IPCEF1: variants seen among roughly 807,000 people sequenced by gnomAD.
The protein encoded by IPCEF1 is interaction protein for cytohesin exchange factors 1.
A neutral mutation model predicts 50.9 loss-of-function variants in IPCEF1; 31 were observed. The observed-to-expected ratio is 0.61, with a 90% CI of 0.46 to 0.82. The LOEUF is 0.82. Among genes scored for constraint, IPCEF1 ranks in the 40% least tolerant of loss-of-function variants. IPCEF1 has a pLI of 0.00. For synonymous variants in IPCEF1, 181 were observed against 192.0 expected (o/e 0.94, Z 0.47); for missense variants, 458 against 514.0 (o/e 0.89, Z 1.05).
At chr6:154,228,829 A>C (rs1779475644) in intron 5 of IPCEF1, among the ~76,000 whole-genome samples, 2 of 152,234 alleles carry the variant, frequency 1.3e-5, no homozygotes, top group South Asian at 4.1e-4. Flanking sequence ...TCAAGGCTGC[A>C]GTGAGCTGAG....
At chr6:154,315,614 C>A (rs1783196237) in intron 1 of IPCEF1, among the ~76,000 whole-genome samples, 1 of 152,092 alleles carries the variant, frequency 6.6e-6, no homozygotes, top group Non-Finnish European at 1.5e-5. Flanking sequence ...TTAATGACAA[C>A]TAAGTCCCGG....
intron 5 of IPCEF1, among the ~76,000 whole-genome samples, chr6:154,242,972 TAGA>T (rs1780719328): frequency 6.6e-6 from 1 of 152,176 alleles, no homozygotes; most frequent in East Asian, 1.9e-4. Context: ...TACGTGCCTC[TAGA>T]AGAAGGCTAT....
intron 2 of IPCEF1, among the ~76,000 whole-genome samples, chr6:154,279,686 A>G (rs1782158931): frequency 6.6e-6 from 1 of 152,246 alleles, no homozygotes; most frequent in African/African-American, 2.4e-5. Flanking sequence ...AGAATTAAGA[A>G]TTCCCATTCA....
intron 1 of IPCEF1, among the ~76,000 whole-genome samples, chr6:154,327,325 G>A (rs563698795): frequency 2.0e-5 from 3 of 152,042 alleles, no homozygotes; most frequent in Admixed American, 2.0e-4. Flanking sequence ...ATCTGACAAA[G>A]GTCTAATATC....
Position 154,159,227 on chromosome 6 carries a change from A to C in IPCEF1, c.*601T>G, listed in dbSNP as rs1044012353. The stretch of plus-strand genomic sequence containing the variant: ...TGTCCTTTGAATGAGTGGAATATGG[A>C]ACACGCCTCCTCCTTCAGCTCTCCC... On this transcript the variant is annotated 3_prime_UTR_variant, in exon 12 of 12. Coordinates refer to ENST00000367220, the MANE Select transcript of IPCEF1 (RefSeq NM_001130700.2). 6.5e-6 allele frequency: 1 copy of C among 153,838 alleles called. No homozygotes were observed. The highest frequency in any genetic ancestry group is 1.4e-5 in the Non-Finnish European group (1 of 69,056). The allele number at this position is 153,838 out of a possible 1,614,324, so 9.5% of individuals were successfully genotyped here.
At chr6:154,163,460 A>G (rs1799185943) in intron 11 of IPCEF1, among the ~76,000 whole-genome samples, 1 of 152,128 alleles carries the variant, frequency 6.6e-6, no homozygotes, top group Non-Finnish European at 1.5e-5. Flanking sequence ...AACATGTTCT[A>G]TCCCCTTTTC....
chr6:154,326,041 C>T (rs1660779626), intron 1 of IPCEF1, among the ~76,000 whole-genome samples: 1 of 151,948 alleles, frequency 6.6e-6, no homozygotes, highest in African/African-American at 2.4e-5. Context: ...GCCTGGACAA[C>T]ATGGCAAAAC....
At chr6:154,312,356 T>C (rs1783098681) in intron 1 of IPCEF1, among the ~76,000 whole-genome samples, 1 of 151,230 alleles carries the variant, frequency 6.6e-6, no homozygotes, top group Admixed American at 6.6e-5. Flanking sequence ...AATCAAAACT[T>C]TTTTTTTTGA....
At chr6:154,190,628 A>G (rs1562531805) in intron 10 of IPCEF1, among the ~76,000 whole-genome samples, 1 of 152,218 alleles carries the variant, frequency 6.6e-6, no homozygotes, top group Non-Finnish European at 1.5e-5. Context: ...ACATACTCTT[A>G]CCATACAATC....
chr6:154,242,064 T>G (rs1780642186), intron 5 of IPCEF1, among the ~76,000 whole-genome samples: 1 of 152,238 alleles, frequency 6.6e-6, no homozygotes. Flanking sequence ...ATGGGAATAA[T>G]AAAATCTATC....
chr6:154,180,414 A>ATATATATATATATATATTTTTTT (rs1241250621), intron 10 of IPCEF1, among the ~76,000 whole-genome samples: 7 of 65,240 alleles, frequency 1.1e-4, no homozygotes, highest in Admixed American at 2.7e-4. Flanking sequence ...ATATATATAT[A>ATATATATATATATATATTTTTTT]TTTTTTTTTT....
chr6:154,295,828 C>G (rs1386078735), intron 1 of IPCEF1, among the ~76,000 whole-genome samples: 2 of 152,102 alleles, frequency 1.3e-5, no homozygotes, highest in African/African-American at 4.8e-5. Context: ...AGCTCTCTGA[C>G]AGCCAGGAGG....
At chr6:154,245,988 T>C (rs1404352540) in intron 5 of IPCEF1, among the ~76,000 whole-genome samples, 1 of 152,214 alleles carries the variant, frequency 6.6e-6, no homozygotes, top group Non-Finnish European at 1.5e-5. Flanking sequence ...TTTTCAAATG[T>C]TGTCTAAGCA....
At chr6:154,214,470 T>G (rs544174465) in intron 7 of IPCEF1, among the ~76,000 whole-genome samples, 194 bp from the exon 8 acceptor site, 12 of 152,210 alleles carry the variant, frequency 7.9e-5, no homozygotes, top group Non-Finnish European at 1.6e-4. Flanking sequence ...AAGGTATCTT[T>G]TGTAAGGTAA....
Position 154,176,123 on chromosome 6 carries a change from C to G in IPCEF1, c.911-8010G>C, listed in dbSNP as rs184901928. Among the ~76,000 whole-genome samples the G allele has an allele frequency of 8.5e-5, 13 of 152,266 alleles. No homozygotes were observed. In the East Asian group the frequency reaches 9.6e-4, roughly 11 times the overall value. On this transcript the variant is annotated intron_variant, in intron 10 of 11. Transcript: ENST00000367220. ...AAAGGCCTTCAACAAAAATCAACAG[C>G]CTTTCGTGCTAAAAACTCTCAATAA...
At chr6:154,299,005 C>T (rs1161242388) in intron 1 of IPCEF1, among the ~76,000 whole-genome samples, 2 of 140,342 alleles carry the variant, frequency 1.4e-5, no homozygotes, top group African/African-American at 5.1e-5. Context: ...TGTGCACATG[C>T]ATACACACAT....
At chr6:154,340,623 C>T (rs1314884277) in intron 1 of IPCEF1, among the ~76,000 whole-genome samples, 2 of 151,950 alleles carry the variant, frequency 1.3e-5, no homozygotes, top group Admixed American at 6.5e-5. Flanking sequence ...CGGTGACTCA[C>T]GCCTGTAATC....
intron 1 of IPCEF1, among the ~76,000 whole-genome samples, chr6:154,302,141 A>G (rs1467133186): frequency 6.6e-6 from 1 of 152,236 alleles, no homozygotes; most frequent in Non-Finnish European, 1.5e-5. Flanking sequence ...CTATATACCA[A>G]TGCAAAGAAA....
intron 1 of IPCEF1, among the ~76,000 whole-genome samples, chr6:154,323,820 G>C (rs939869441): frequency 3.3e-5 from 5 of 152,302 alleles, no homozygotes; most frequent in African/African-American, 1.2e-4. Context: ...GGGCATGGTG[G>C]CAGACGCCTG....
Sources: allele counts gnomAD v4.1 joint callset (sites outside exome capture counted in the v4.1 genomes callset), GRCh38; gene constraint gnomAD v4.1.1; transcripts MANE v1.5; gene names NCBI Gene and HGNC (gene_info 2026-07-23, HGNC 2026-07-21).